SLC35D1: variants seen among roughly 807,000 people sequenced by gnomAD.
The protein encoded by SLC35D1 is nucleotide sugar transporter SLC35D1.
SLC35D1 carries 31 observed loss-of-function variants against 46.7 expected under a neutral mutation model. The observed-to-expected ratio is 0.66, with a 90% CI of 0.50 to 0.90. SLC35D1 has a LOEUF of 0.90. Among genes scored for constraint, SLC35D1 ranks in the 40% least tolerant of loss-of-function variants. The pLI is 0.00. For synonymous variants in SLC35D1, 195 were observed against 164.6 expected (o/e 1.18, Z -1.41); for missense variants, 397 against 426.2 (o/e 0.93, Z 0.60).
intron 11 of SLC35D1, 34 bp downstream of exon 11, chr1:67,009,051 C>T (rs377598493): frequency 4.9e-5 from 50 of 1,012,694 alleles, no homozygotes; most frequent in African/African-American, 3.0e-4. Flanking sequence ...TATCCAATTC[C>T]GATTTTGCAA....
At position 67,000,647 on chromosome 1, in the gene SLC35D1, A is replaced by G. The variant is rs906792014; in HGVS notation, c.*3693T>C. 3 of 152,224 alleles carry G rather than the reference A, an allele frequency of 2.0e-5. No individual in the cohort carries two copies. The highest frequency in any genetic ancestry group is 4.4e-5 in the Non-Finnish European group (3 of 68,044). 9.4% of individuals were successfully genotyped at this position (152,224 alleles called of 1,614,324 possible). On this transcript the variant is annotated 3_prime_UTR_variant, in exon 12 of 12. Coordinates refer to ENST00000235345, the MANE Select transcript of SLC35D1 (RefSeq NM_015139.3). ...GGTAGCCACATTTGCTGAGGGCCTA[A>G]TATGTACCAGGCATTGTGCTAAGTA... is the stretch of plus-strand genomic sequence containing the variant.
chr1:66,982,457 C>T, the SLC35D1 span, among the ~76,000 whole-genome samples: 3 of 151,944 alleles, frequency 2.0e-5, no homozygotes, highest in African/African-American at 7.3e-5. Flanking sequence ...AAAGGCATAC[C>T]AATTGTTTGA....
At chr1:67,030,846 C>G (rs931543074) in intron 8 of SLC35D1, among the ~76,000 whole-genome samples, 1 of 152,174 alleles carries the variant, frequency 6.6e-6, no homozygotes, top group African/African-American at 2.4e-5. Context: ...TGCTGCCATA[C>G]ATTTTTGGAG....
In SLC35D1 at chr1:67,026,451, G is replaced by A. The variant is rs1667915817; in HGVS notation, c.730-4849C>T. ...GTAATGTTTTTGTCAGATTTTGGCA[G>A]AAGGTAATCCTAGCCATATAAAATC... On this transcript the variant is annotated intron_variant, in intron 8 of 11. Coordinates refer to ENST00000235345, the MANE Select transcript of SLC35D1 (RefSeq NM_015139.3). Among the ~76,000 whole-genome samples the A allele has an allele frequency of 2.0e-5, 3 of 152,062 alleles. No individual in the cohort carries two copies. In the South Asian group the frequency reaches 6.2e-4, roughly 32 times the overall value.
At chr1:67,037,712 CAG>C (rs1437195421) in intron 8 of SLC35D1, among the ~76,000 whole-genome samples, 1 of 152,120 alleles carries the variant, frequency 6.6e-6, no homozygotes, top group Non-Finnish European at 1.5e-5. Flanking sequence ...CAAAGTGTGA[CAG>C]ATATTTTCTT....
At chr1:66,978,672 A>G in the SLC35D1 span, among the ~76,000 whole-genome samples, 1 of 152,214 alleles carries the variant, frequency 6.6e-6, no homozygotes, top group African/African-American at 2.4e-5. Flanking sequence ...TTCAGAAATA[A>G]TGTTCACACG....
chr1:66,985,098 G>T, the SLC35D1 span: 3 of 1,252,776 alleles, frequency 2.4e-6, no homozygotes, highest in East Asian at 6.7e-5. Flanking sequence ...TCTTTTAAGG[G>T]TATTTTAAAA....
chr1:67,053,987 ATG>A lies in SLC35D1; in HGVS notation c.25_26del (p.His9CysfsTer4). 6.2e-7 allele frequency: 1 copy of A among 1,612,830 alleles called. No individual in the cohort carries two copies. Among genetic ancestry groups the A allele is most frequent in the Non-Finnish European group, 8.5e-7 (1 of 1,179,404 alleles). Reference sequence around the variant, plus strand: ...CGGGGGCTTCTCCTTTAACCCGAGCATGCTGACGTCTATGAACTTCCGCCATG... The same window carrying A: ...CGGGGGCTTCTCCTTTAACCCGAGCACTGACGTCTATGAACTTCCGCCATG... MAEVHRRQ[H>X]ARVKGEAPAK... On this transcript the variant is annotated frameshift_variant, in exon 1 of 12. Transcript: ENST00000235345. LOFTEE classifies it high-confidence loss of function.
intron 10 of SLC35D1, among the ~76,000 whole-genome samples, chr1:67,010,684 G>A (rs1667544789): frequency 6.6e-6 from 1 of 152,060 alleles, no homozygotes; most frequent in African/African-American, 2.4e-5. Flanking sequence ...AAATCCAAAT[G>A]CCTCAATGAT....
At chr1:67,021,513 T>A in intron 9 of SLC35D1, 22 bp downstream of exon 9, 2 of 1,612,976 alleles carry the variant, frequency 1.2e-6, no homozygotes, top group Non-Finnish European at 1.7e-6. Flanking sequence ...AACTATCTGC[T>A]AACAAGGTAA....
chr1:66,997,567 G>A (rs1558144813), downstream of SLC35D1, among the ~76,000 whole-genome samples: 6 of 123,150 alleles, frequency 4.9e-5, no homozygotes, highest in East Asian at 1.4e-3. Flanking sequence ...ATATCTGTGT[G>A]TGTATATATA....
chr1:66,973,736 C>T, the SLC35D1 span, among the ~76,000 whole-genome samples: 2 of 151,972 alleles, frequency 1.3e-5, no homozygotes. Context: ...TTAGGACAGG[C>T]AGAATTAAAG....
At chr1:67,036,362 T>C (rs889916653) in intron 8 of SLC35D1, among the ~76,000 whole-genome samples, 6 of 152,114 alleles carry the variant, frequency 3.9e-5, no homozygotes, top group African/African-American at 1.4e-4. Context: ...CGGTGCATTC[T>C]TGCATCAGTG....
At position 67,020,307 on chromosome 1, in the gene SLC35D1, T is replaced by C. The variant is rs1307732647; in HGVS notation, c.876+62A>G. On this transcript the variant is annotated intron_variant, in intron 10 of 11. Coordinates refer to ENST00000235345, the MANE Select transcript of SLC35D1 (RefSeq NM_015139.3). ...TCTTAAGGCCATCAACAGACTCTTA[T>C]CTTAAAGGAACAATTTTCAAATAAT... The C allele has an allele frequency of 2.0e-5, 22 of 1,111,862 alleles. No individual in the cohort carries two copies. In the Middle Eastern group the frequency reaches 5.9e-4, roughly 30 times the overall value. 68.9% of individuals were successfully genotyped at this position (1,111,862 alleles called of 1,614,324 possible). A position where few individuals can be genotyped will look rare whatever the true frequency, so the allele number is the denominator to read the frequency against.
chr1:67,026,378 C>G (rs1369824008), intron 8 of SLC35D1, among the ~76,000 whole-genome samples: 2 of 152,140 alleles, frequency 1.3e-5, no homozygotes, highest in Non-Finnish European at 2.9e-5. Flanking sequence ...ATATACTGCC[C>G]TTTTAATATA....
chr1:67,035,193 A>C (rs1239829548), intron 8 of SLC35D1, among the ~76,000 whole-genome samples: 1 of 152,122 alleles, frequency 6.6e-6, no homozygotes, highest in Admixed American at 6.6e-5. Flanking sequence ...TTTTGGTATC[A>C]GGGTAACACT....
At chr1:67,033,217 T>C (rs1453066452) in intron 8 of SLC35D1, among the ~76,000 whole-genome samples, 3 of 152,218 alleles carry the variant, frequency 2.0e-5, no homozygotes, top group African/African-American at 7.2e-5. Flanking sequence ...CTCAATATAC[T>C]GATTTCCTTT....
At chr1:66,985,228 T>G in the SLC35D1 span, 14 of 966,984 alleles carry the variant, frequency 1.4e-5, no homozygotes, top group Non-Finnish European at 1.7e-5. Flanking sequence ...CTGTACCTTC[T>G]CATTTGATGT....
intron 1 of SLC35D1, 64 bp downstream of exon 1, chr1:67,053,747 C>A (rs141985685): frequency 1.5e-6 from 2 of 1,373,104 alleles, no homozygotes; most frequent in South Asian, 1.7e-5. Context: ...AGGGAGCCGG[C>A]GCCGCGCCGC....
Sources: gnomAD v4.1 joint callset for allele counts (sites outside exome capture counted in the v4.1 genomes callset) on GRCh38, gnomAD v4.1.1 for gene constraint, MANE v1.5 for transcripts, NCBI Gene and HGNC (gene_info 2026-07-23, HGNC 2026-07-21) for gene names.